Variants in MTMR9 observed in about 807,000 individuals in gnomAD.
MTMR9 encodes myotubularin related protein 9.
MTMR9 carries 39 observed loss-of-function variants against 69.5 expected under a neutral mutation model. The ratio of observed to expected loss-of-function variants is 0.56; its 90% CI spans 0.43 to 0.73. The LOEUF (loss-of-function observed/expected upper bound fraction) is 0.73. MTMR9 is among the 30% of genes least tolerant of loss of function. The probability of loss-of-function intolerance (pLI) is 0.00; values close to 1 mark genes in which losing one functional copy is unlikely to be tolerated. For missense variants in MTMR9, 900 were observed against 671.2 expected, an observed-to-expected ratio of 1.34 and a Z score of -3.77; for synonymous variants, 354 against 240.8, an observed-to-expected ratio of 1.47 and a Z score of -4.35.
In MTMR9 at chr8:11,287,749, T is replaced by C. The variant is rs1373039663; in HGVS notation, c.182+2679T>C. 1.5e-3 allele frequency among the ~76,000 whole-genome samples: 205 copies of C among 132,372 alleles called. 1 individual carries two copies. The highest frequency in any genetic ancestry group is 5.8e-3 in the African/African-American group (196 of 34,026). The allele number at this position is 132,372 out of a possible 152,430, so 86.8% of individuals were successfully genotyped here. A position where few individuals can be genotyped will look rare whatever the true frequency, so the allele number is the denominator to read the frequency against. Reference sequence around the variant, plus strand: ...TTATATATTATATATTATTTTCTTATATATTTATTATTTATTTATTATATA... The same window carrying C: ...TTATATATTATATATTATTTTCTTACATATTTATTATTTATTTATTATATA... On this transcript the variant is annotated intron_variant, in intron 1 of 9. Transcript: ENST00000221086.
chr8:11,316,646 A>G (rs781696014), intron 7 of MTMR9, 27 bp from the exon 8 acceptor site: 49 of 1,507,970 alleles, frequency 3.2e-5, no homozygotes, highest in Admixed American at 4.1e-5. Context: ...CCAGGATATG[A>G]CTGTCACGCC....
At chr8:11,335,102 G>A in the MTMR9 span, among the ~76,000 whole-genome samples, 20 of 152,282 alleles carry the variant, frequency 1.3e-4, no homozygotes, top group Admixed American at 1.2e-3. Context: ...AACAGAAAAA[G>A]TATACAGATT....
At chr8:11,290,149 T>G (rs1799329767) in intron 1 of MTMR9, among the ~76,000 whole-genome samples, 1 of 152,244 alleles carries the variant, frequency 6.6e-6, no homozygotes, top group Admixed American at 6.5e-5. Flanking sequence ...TTTTCCAGTC[T>G]GAAGATTGTG....
chr8:11,306,154 A>C, intron 4 of MTMR9, 36 bp from the exon 5 acceptor site: 1 of 1,580,912 alleles, frequency 6.3e-7, no homozygotes, highest in Non-Finnish European at 8.7e-7. Context: ...TTTAAAAGCA[A>C]CTGCTGTTGA....
chr8:11,316,965 C>T, intron 8 of MTMR9, 72 bp downstream of exon 8: 2 of 939,966 alleles, frequency 2.1e-6, no homozygotes, highest in Non-Finnish European at 1.6e-6. Context: ...GCCAGAATCT[C>T]CTAGGAGACG....
intron 9 of MTMR9, chr8:11,321,572 G>T (rs980231098): frequency 2.2e-6 from 1 of 452,192 alleles, no homozygotes; most frequent in East Asian, 7.0e-5. Flanking sequence ...CGGAGTTTCA[G>T]TGTGTGTTTC....
intron 1 of MTMR9, among the ~76,000 whole-genome samples, chr8:11,294,336 A>G (rs566272529): frequency 6.6e-6 from 1 of 151,978 alleles, no homozygotes; most frequent in South Asian, 2.1e-4. Context: ...TCAATCCTTC[A>G]CCGTTAAGTG....
intron 5 of MTMR9, among the ~76,000 whole-genome samples, chr8:11,307,357 C>T (rs955566120): frequency 1.3e-5 from 2 of 152,186 alleles, no homozygotes; most frequent in Non-Finnish European, 1.5e-5. Flanking sequence ...CAGGCATGAG[C>T]CACTGTGCCT....
Position 11,284,935 on chromosome 8 carries a change from T to G in MTMR9, c.47T>G (p.Val16Gly). Reference protein sequence around the residue: ...LIKTPRVDNVVLHRPFYPAVE... With the variant: ...LIKTPRVDNVGLHRPFYPAVE... ...AAGACCCCGCGGGTGGACAATGTGG[T>G]GCTGCACCGGCCTTTCTACCCGGCT... The change falls in exon 1 of 10, where the codon GTG (valine) becomes GGG (glycine). Residue 16 changes from valine (V) to glycine (G), a missense_variant. Physicochemically the swap from Val to Gly is moderately radical, Grantham distance 109. Transcript: ENST00000221086. 6.2e-7 allele frequency: 1 copy of G among 1,613,804 alleles called. No homozygotes were observed. The highest frequency in any genetic ancestry group is 8.5e-7 in the Non-Finnish European group (1 of 1,179,902).
chr8:11,309,764 T>G, intron 6 of MTMR9, 76 bp downstream of exon 6: 1 of 1,501,764 alleles, frequency 6.7e-7, no homozygotes, highest in South Asian at 1.2e-5. Context: ...GACATATGTT[T>G]ATAGATTATG....
At chr8:11,291,154 A>G (rs1428368928) in intron 1 of MTMR9, among the ~76,000 whole-genome samples, 1 of 152,084 alleles carries the variant, frequency 6.6e-6, no homozygotes, top group African/African-American at 2.4e-5. Flanking sequence ...TTTTCATAGG[A>G]TTTTAAAAAA....
chr8:11,289,143 C>T (rs1799291458), intron 1 of MTMR9, among the ~76,000 whole-genome samples: 1 of 152,146 alleles, frequency 6.6e-6, no homozygotes, highest in Non-Finnish European at 1.5e-5. Context: ...CTGAACTCCA[C>T]CCTGGGGTGA....
rs1166954112 is a variant in MTMR9, at chr8:11,325,113, A to G, written c.*2325A>G. ...TGTTTTGGCAAGTTTGCATTTTAGT[A>G]TTAATTTATAATTAGGGATTGTTCA... On this transcript the variant is annotated 3_prime_UTR_variant, in exon 10 of 10. Coordinates refer to ENST00000221086, the MANE Select transcript of MTMR9 (RefSeq NM_015458.4). The G allele has an allele frequency of 6.6e-6, 1 of 152,230 alleles. No homozygotes were observed. The allele number at this position is 152,230 out of a possible 1,614,324, so 9.4% of individuals were successfully genotyped here.
At chr8:11,292,217 G>C (rs1418767564) in intron 1 of MTMR9, among the ~76,000 whole-genome samples, 1 of 152,082 alleles carries the variant, frequency 6.6e-6, no homozygotes, top group African/African-American at 2.4e-5. Context: ...GTATTCCATA[G>C]TTCATTTATT....
At chr8:11,316,939 G>C in intron 8 of MTMR9, 46 bp downstream of exon 8, 1 of 1,345,188 alleles carries the variant, frequency 7.4e-7, no homozygotes, top group Non-Finnish European at 1.0e-6. Context: ...CCGTTGTTTT[G>C]GCTACTTCCT....
chr8:11,331,635 C>T, downstream of MTMR9: 2 of 1,612,828 alleles, frequency 1.2e-6, no homozygotes, highest in Non-Finnish European at 8.5e-7. Context: ...GGGACCTGGA[C>T]TCTGGACACT....
chr8:11,328,744 A>C (rs907362012), downstream of MTMR9, among the ~76,000 whole-genome samples: 1 of 152,224 alleles, frequency 6.6e-6, no homozygotes, highest in Non-Finnish European at 1.5e-5. Flanking sequence ...TACAAAGGAG[A>C]AAATACTAAC....
chr8:11,296,258 C>G (rs574704461), intron 2 of MTMR9, among the ~76,000 whole-genome samples: 2 of 152,130 alleles, frequency 1.3e-5, no homozygotes, highest in South Asian at 2.1e-4. Context: ...ATAATAGTAC[C>G]TATCTTTTAG....
At chr8:11,339,133 TTTAA>T in the MTMR9 span, among the ~76,000 whole-genome samples, 1 of 152,212 alleles carries the variant, frequency 6.6e-6, no homozygotes, top group African/African-American at 2.4e-5. Context: ...AACATTTCTT[TTTAA>T]TTCATCAGTC....
Sources: gnomAD v4.1 joint callset for allele counts (sites outside exome capture counted in the v4.1 genomes callset) on GRCh38, gnomAD v4.1.1 for gene constraint, MANE v1.5 for transcripts, NCBI Gene and HGNC (gene_info 2026-07-23, HGNC 2026-07-21) for gene names.